CRYBA4: variants seen among roughly 807,000 people sequenced by gnomAD.
The protein encoded by CRYBA4 is crystallin beta A4.
A neutral mutation model predicts 31.7 loss-of-function variants in CRYBA4; 30 were observed. That is an observed-to-expected ratio of 0.95 (90% CI 0.71 to 1.28). The LOEUF is 1.28. Among genes scored for constraint, CRYBA4 ranks in the 50% most tolerant of loss-of-function variants. CRYBA4 has a pLI of 0.00. For synonymous variants in CRYBA4, 102 were observed against 102.3 expected (o/e 1.00, Z 0.02); for missense variants, 225 against 260.7 (o/e 0.86, Z 0.94).
chr22:26,627,516 CTT>C (rs1929782473), intron 4 of CRYBA4, among the ~76,000 whole-genome samples: 8 of 91,844 alleles, frequency 8.7e-5, no homozygotes, highest in Non-Finnish European at 1.2e-4. Flanking sequence ...TTCTTTCTTT[CTT>C]TCTTTCTCTT....
At chr22:26,604,285 T>C in the CRYBA4 span, among the ~76,000 whole-genome samples, 1 of 152,246 alleles carries the variant, frequency 6.6e-6, no homozygotes, top group Middle Eastern at 3.2e-3. Flanking sequence ...AAATGCATGT[T>C]ATCATAGCCT....
the CRYBA4 span, among the ~76,000 whole-genome samples, chr22:26,603,558 C>T: frequency 6.6e-6 from 1 of 151,440 alleles, no homozygotes; most frequent in Non-Finnish European, 1.5e-5. Flanking sequence ...AATGGGGTTA[C>T]TATTGCTTCG....
At chr22:26,591,553 C>G in the CRYBA4 span, among the ~76,000 whole-genome samples, 1 of 150,682 alleles carries the variant, frequency 6.6e-6, no homozygotes, top group African/African-American at 2.4e-5. Flanking sequence ...CCAGCCTGAC[C>G]AATATGGTGA....
Position 26,630,639 on chromosome 22 carries a change from C to T in CRYBA4, c.*152C>T, listed in dbSNP as rs2145986808. The stretch of plus-strand genomic sequence containing the variant: ...GTCCGTGCACAGTCAGCACAAAAAA[C>T]TCAAACGAATAAAAAAGAGAAAGTC... On this transcript the variant is annotated 3_prime_UTR_variant, in exon 6 of 6. Transcript: ENST00000354760. 4.7e-6 allele frequency: 3 copies of T among 634,830 alleles called. No individual in the cohort carries two copies. Among genetic ancestry groups the T allele is most frequent in the South Asian group, 1.9e-5 (1 of 53,744 alleles). The allele number at this position is 634,830 out of a possible 1,614,324, so 39.3% of individuals were successfully genotyped here. A position where few individuals can be genotyped will look rare whatever the true frequency, so the allele number is the denominator to read the frequency against.
At chr22:26,599,557 C>T in the CRYBA4 span, 22 of 1,614,026 alleles carry the variant, frequency 1.4e-5, no homozygotes, top group Non-Finnish European at 1.7e-5. Flanking sequence ...GTCACGCAGG[C>T]GACGCAGGGA....
At chr22:26,591,707 C>T in the CRYBA4 span, among the ~76,000 whole-genome samples, 4 of 148,686 alleles carry the variant, frequency 2.7e-5, no homozygotes, top group Non-Finnish European at 5.9e-5. Flanking sequence ...CACCACTGCA[C>T]TCCCACCTGG....
At chr22:26,619,726 T>TG (rs1929472235), upstream of CRYBA4, among the ~76,000 whole-genome samples, 3 of 152,128 alleles carry the variant, frequency 2.0e-5, no homozygotes, top group South Asian at 6.2e-4. Flanking sequence ...AACTGCAAGA[T>TG]GGGGTAGCCA....
chr22:26,625,393 A>C (rs986286440), intron 3 of CRYBA4, 88 bp from the exon 4 acceptor site: 9 of 1,479,464 alleles, frequency 6.1e-6, no homozygotes, highest in Non-Finnish European at 8.4e-6. Flanking sequence ...AATGGTTGTG[A>C]CTGTGACCGT....
chr22:26,618,440 T>A (rs911644056), upstream of CRYBA4, among the ~76,000 whole-genome samples: 1 of 152,162 alleles, frequency 6.6e-6, no homozygotes, highest in Admixed American at 6.5e-5. Flanking sequence ...TCTGCAATTA[T>A]AAGGTGGGCA....
chr22:26,602,590 C>CAA, the CRYBA4 span, among the ~76,000 whole-genome samples: 2 of 132,242 alleles, frequency 1.5e-5, no homozygotes, highest in Admixed American at 7.8e-5. Flanking sequence ...GACCCTGTCT[C>CAA]AAAAAAAAAA....
chr22:26,627,790 A>G (rs1929798717), intron 4 of CRYBA4, among the ~76,000 whole-genome samples: 1 of 152,000 alleles, frequency 6.6e-6, no homozygotes, highest in Non-Finnish European at 1.5e-5. Context: ...CTGAGATTAC[A>G]GGCATGTGCC....
chr22:26,608,118 C>A, the CRYBA4 span: 5 of 1,588,744 alleles, frequency 3.1e-6, 1 homozygote, highest in South Asian at 5.6e-5. Flanking sequence ...GCAAGGCAGC[C>A]CTGAGGACAG....
upstream of CRYBA4, among the ~76,000 whole-genome samples, chr22:26,620,327 G>A (rs997501127): frequency 1.3e-5 from 2 of 152,108 alleles, no homozygotes; most frequent in Non-Finnish European, 2.9e-5. Flanking sequence ...TGCTGTTCAT[G>A]TGCTATTCAC....
the CRYBA4 span, among the ~76,000 whole-genome samples, chr22:26,602,588 C>CT: frequency 1.5e-5 from 2 of 133,068 alleles, no homozygotes; most frequent in East Asian, 4.3e-4. Context: ...AAGACCCTGT[C>CT]TCAAAAAAAA....
At chr22:26,620,654 T>C (rs555888031), upstream of CRYBA4, among the ~76,000 whole-genome samples, 12 of 138,796 alleles carry the variant, frequency 8.6e-5, no homozygotes, top group South Asian at 2.9e-3. Context: ...AACCCCTGCC[T>C]CCAGGTTCAA....
chr22:26,602,220 G>A, the CRYBA4 span, among the ~76,000 whole-genome samples: 3 of 152,092 alleles, frequency 2.0e-5, no homozygotes, highest in Non-Finnish European at 4.4e-5. Context: ...TAGGGTCCTC[G>A]TGAGGATGAA....
chr22:26,627,268 G>C (rs942105762), intron 4 of CRYBA4, among the ~76,000 whole-genome samples: 3 of 151,344 alleles, frequency 2.0e-5, no homozygotes, highest in African/African-American at 7.3e-5. Context: ...CTAGCAGGAA[G>C]GATTTGAGAT....
intron 5 of CRYBA4, 46 bp from the exon 6 acceptor site, chr22:26,630,294 T>C: frequency 6.8e-6 from 11 of 1,612,902 alleles, no homozygotes; most frequent in Non-Finnish European, 9.3e-6. Flanking sequence ...TTGATCACCA[T>C]GCTGGTGTCT....
At chr22:26,595,116 A>G in the CRYBA4 span, among the ~76,000 whole-genome samples, 3 of 152,206 alleles carry the variant, frequency 2.0e-5, no homozygotes, top group Non-Finnish European at 4.4e-5. Context: ...TTTTTTGCTT[A>G]TAATTTTATA....
Sources: gnomAD v4.1 joint callset for allele counts (sites outside exome capture counted in the v4.1 genomes callset) on GRCh38, gnomAD v4.1.1 for gene constraint, MANE v1.5 for transcripts, NCBI Gene and HGNC (gene_info 2026-07-23, HGNC 2026-07-21) for gene names.